GNAS: variants seen among roughly 807,000 people sequenced by gnomAD.
GNAS encodes the protein GNAS complex locus, also known as protein ALEX.
GNAS carries 8 observed loss-of-function variants against 54.5 expected under a neutral mutation model. The ratio of observed to expected loss-of-function variants is 0.15; its 90% confidence interval spans 0.09 to 0.26. GNAS has a LOEUF of 0.26. Ranked by LOEUF, GNAS falls within the 10% of genes least tolerant of loss-of-function variation. The pLI is 1.00. For missense variants in GNAS, 170 were observed against 529.8 expected, an observed-to-expected ratio of 0.32 and a Z score of 6.67; for synonymous variants, 204 against 191.4, an observed-to-expected ratio of 1.07 and a Z score of -0.54.
At chr20:58,906,380 G>A (rs939503802) in intron 6 of GNAS, among the ~76,000 whole-genome samples, 1 of 152,110 alleles carries the variant, frequency 6.6e-6, no homozygotes, top group African/African-American at 2.4e-5. Context: ...CTCAGGGATC[G>A]CCCTCTGTCC....
At chr20:58,864,139 C>T (rs1360961269) in intron 1 of GNAS, 11 of 152,088 alleles carry the variant, frequency 7.2e-5, no homozygotes, top group Admixed American at 7.2e-4. Flanking sequence ...AACAGGAAAC[C>T]TGTCAAGAAT....
At chr20:58,907,162 T>C (rs1190380294) in intron 6 of GNAS, among the ~76,000 whole-genome samples, 1 of 152,214 alleles carries the variant, frequency 6.6e-6, no homozygotes, top group African/African-American at 2.4e-5. Flanking sequence ...ATAAATCATA[T>C]AAGCCTCTGT....
rs1458531224 is a variant in GNAS at position 58,863,766 on chromosome 20, A to G, written c.43+22880A>G. On this transcript the variant is annotated intron_variant, in intron 1 of 12. Coordinates refer to the GNAS transcript ENST00000306090. This position sits in a 1 kb window ranked among gnomAD's most constrained non-coding sequence, Gnocchi z 4.1. ...TCCCCCTCCATCAAAAGACCACACTATCTCTCTCCTCTTTTCCATTTGAAC... is the reference window on the plus strand; with the variant it reads ...TCCCCCTCCATCAAAAGACCACACTGTCTCTCTCCTCTTTTCCATTTGAAC... 1.3e-5 allele frequency: 2 copies of G among 152,580 alleles called. No individual in the cohort carries two copies. The highest frequency in any genetic ancestry group is 4.8e-5 in the African/African-American group (2 of 41,422). The allele number at this position is 152,580 out of a possible 1,614,324, so 9.5% of individuals were successfully genotyped here.
At chr20:58,889,352 A>T (rs1489591046), upstream of GNAS, 2 of 984,232 alleles carry the variant, frequency 2.0e-6, no homozygotes, top group Non-Finnish European at 1.2e-6. Flanking sequence ...CCTCACTCAC[A>T]TGTAAGTCGG....
upstream of GNAS, chr20:58,889,132 G>C (rs776763740): frequency 3.3e-6 from 4 of 1,195,214 alleles, no homozygotes; most frequent in Non-Finnish European, 4.3e-6. Flanking sequence ...AAGAGGCTGG[G>C]GCGTCATCGG....
intron 3 of GNAS, among the ~76,000 whole-genome samples, chr20:58,902,126 C>T (rs2090667977): frequency 6.7e-6 from 1 of 148,166 alleles, no homozygotes; most frequent in African/African-American, 2.6e-5. Context: ...GGTGACTCCC[C>T]CCCTCTTGGC....
chr20:58,896,721 C>T (rs182843625), intron 2 of GNAS, among the ~76,000 whole-genome samples: 65 of 152,150 alleles, frequency 4.3e-4, no homozygotes, highest in Non-Finnish European at 8.2e-4. Context: ...ATTTCAAGCA[C>T]CTGAAGGCAC....
At chr20:58,880,888 C>A (rs1015061369) in intron 1 of GNAS, among the ~76,000 whole-genome samples, 3 of 152,084 alleles carry the variant, frequency 2.0e-5, no homozygotes, top group African/African-American at 7.2e-5. Context: ...GTTCTCTTCT[C>A]TGCCTCCCCA....
At chr20:58,877,695 T>C (rs1363833634) in intron 1 of GNAS, among the ~76,000 whole-genome samples, 2 of 152,108 alleles carry the variant, frequency 1.3e-5, no homozygotes, top group East Asian at 3.9e-4. Flanking sequence ...CACCAGATGT[T>C]AAGAGGCTAC....
intron 1 of GNAS, chr20:58,892,172 TCTTTTTCC>T: frequency 1.1e-6 from 1 of 952,294 alleles, no homozygotes; most frequent in Non-Finnish European, 1.2e-6. Context: ...TCTCTTTCTC[TCTTTTTCC>T]GCGAGGCCTA....
intron 2 of GNAS, chr20:58,897,714 C>T (rs559736363): frequency 6.6e-6 from 1 of 152,350 alleles, no homozygotes; most frequent in Non-Finnish European, 1.5e-5. Context: ...TCTTTGCAGA[C>T]AAGGGCACAG....
At chr20:58,879,562 G>C (rs2088081469) in intron 1 of GNAS, among the ~76,000 whole-genome samples, 1 of 152,244 alleles carries the variant, frequency 6.6e-6, no homozygotes, top group South Asian at 2.1e-4. Context: ...TATTTGAGAG[G>C]ATCAGCTCAG....
chr20:58,859,978 A>G (rs1412765290), intron 1 of GNAS, among the ~76,000 whole-genome samples: 1 of 127,182 alleles, frequency 7.9e-6, no homozygotes, highest in Non-Finnish European at 1.6e-5. Flanking sequence ...CAAATTTCAA[A>G]TTCAGATAAT....
chr20:58,855,128 T>C (rs1250168557), intron 1 of GNAS: 3 of 1,613,540 alleles, frequency 1.9e-6, no homozygotes, highest in African/African-American at 1.3e-5. Context: ...GCTGCTTCGG[T>C]CGATCTGAGA....
chr20:58,856,337 A>T lies in GNAS; in HGVS notation c.43+15451A>T, dbSNP rs1199329493. 1 of 152,552 alleles carries T rather than the reference A, an allele frequency of 6.6e-6. No individual in the cohort carries two copies. The highest frequency in any genetic ancestry group is 1.5e-5 in the Non-Finnish European group (1 of 68,090). The allele number at this position is 152,552 out of a possible 1,614,324, so 9.4% of individuals were successfully genotyped here. On this transcript the variant is annotated intron_variant, in intron 1 of 12. Transcript: ENST00000306090. This position sits in a 1 kb window ranked among gnomAD's most constrained non-coding sequence, Gnocchi z 4.2. ...TGTAGGCAAGTCCGGATCCCAAACCACTTGGGGGCTGGTTCCAAGGGGGTG... is the reference window on the plus strand; with the variant it reads ...TGTAGGCAAGTCCGGATCCCAAACCTCTTGGGGGCTGGTTCCAAGGGGGTG...
chr20:58,849,376 C>T (rs1233594498), intron 1 of GNAS, among the ~76,000 whole-genome samples: 1 of 152,178 alleles, frequency 6.6e-6, no homozygotes, highest in Non-Finnish European at 1.5e-5. Flanking sequence ...TTTTTCCTGT[C>T]CAGTGCGCCA....
intron 1 of GNAS, chr20:58,850,828 G>A (rs1254989431): frequency 7.5e-6 from 3 of 398,650 alleles, no homozygotes; most frequent in Non-Finnish European, 1.3e-5. Flanking sequence ...AGGCCTAGCC[G>A]CCATACACCC....
chr20:58,871,647 ACC>A (rs2087472436), intron 1 of GNAS, among the ~76,000 whole-genome samples: 14 of 140,922 alleles, frequency 9.9e-5, no homozygotes, highest in Non-Finnish European at 1.7e-4. Flanking sequence ...CAAAAAAAAA[ACC>A]AAAAAAATTA....
chr20:58,849,083 C>A (rs780429316), intron 1 of GNAS, among the ~76,000 whole-genome samples: 4 of 151,978 alleles, frequency 2.6e-5, no homozygotes, highest in Non-Finnish European at 5.9e-5. Flanking sequence ...GAGATTTTGC[C>A]CCCCAGAGGA....
Sources: allele counts gnomAD v4.1 joint callset (sites outside exome capture counted in the v4.1 genomes callset), GRCh38; gene constraint gnomAD v4.1.1; non-coding constraint Gnocchi (gnomAD v3.1); transcripts MANE v1.5; gene names NCBI Gene and HGNC (gene_info 2026-07-23, HGNC 2026-07-21).